CDH18: variants seen among roughly 807,000 people sequenced by gnomAD.
CDH18 encodes cadherin-18.
In CDH18, 31 loss-of-function variants were observed where a neutral mutation model predicts 67.9. That is an observed-to-expected ratio of 0.46 (90% CI 0.34 to 0.62). The LOEUF is 0.62. Ranked by LOEUF, CDH18 falls within the 20% of genes least tolerant of loss-of-function variation. The pLI, the probability that CDH18 is intolerant of heterozygous loss-of-function variation, is 0.01. For synonymous variants in CDH18, 362 were observed against 347.2 expected (o/e 1.04, Z -0.48); for missense variants, 890 against 975.5 (o/e 0.91, Z 1.17).
At chr5:20,176,474 A>C (rs1737244840) in intron 2 of CDH18, among the ~76,000 whole-genome samples, 1 of 152,152 alleles carries the variant, frequency 6.6e-6, no homozygotes, top group Non-Finnish European at 1.5e-5. Context: ...AAGAAAGTGG[A>C]CATAATAGTT....
Position 19,483,339 on chromosome 5 carries a change from G to T in CDH18, c.1844C>A (p.Ala615Asp). The T allele has an allele frequency of 6.2e-7, 1 of 1,613,952 alleles. No individual in the cohort carries two copies. The highest frequency in any genetic ancestry group is 8.5e-7 in the Non-Finnish European group (1 of 1,179,952). The change falls in exon 12 of 13, where the codon GCC becomes GAC. Residue 615 changes from alanine (A) to aspartate (D), a missense_variant. This residue lies in a region of CDH18 where 656 missense variants were observed against 668.1 expected (regional missense o/e 0.98). Transcript: ENST00000382275. ...AACACAGAGAAGAATAGCGATTAAGGCTCCTGTACTCAAACCAGCCGAGGA... is the reference window on the plus strand; with the variant it reads ...AACACAGAGAAGAATAGCGATTAAGTCTCCTGTACTCAAACCAGCCGAGGA... ...FLSSAGLSTG[A>D]LIAILLCVLI...
At chr5:20,022,932 G>T (rs1342271550) in intron 2 of CDH18, among the ~76,000 whole-genome samples, 1 of 152,138 alleles carries the variant, frequency 6.6e-6, no homozygotes, top group Non-Finnish European at 1.5e-5. Context: ...TAGTTAATAT[G>T]TTTACATGTG....
intron 1 of CDH18, among the ~76,000 whole-genome samples, chr5:20,282,264 G>T (rs2126704406): frequency 6.6e-6 from 1 of 152,264 alleles, no homozygotes. Flanking sequence ...AATAGGAGTG[G>T]TGAAAGAGGG....
chr5:20,328,402 G>T (rs1413051001), intron 1 of CDH18, among the ~76,000 whole-genome samples: 1 of 152,086 alleles, frequency 6.6e-6, no homozygotes, highest in East Asian at 1.9e-4. Flanking sequence ...GAGAGTAAAA[G>T]AGAGGAGTCT....
At chr5:19,768,102 A>G (rs1773313595) in intron 3 of CDH18, among the ~76,000 whole-genome samples, 1 of 152,096 alleles carries the variant, frequency 6.6e-6, no homozygotes, top group Non-Finnish European at 1.5e-5. Flanking sequence ...CAAGCTACAT[A>G]CCCCTAAAAT....
At chr5:20,249,575 G>T (rs1743661352) in intron 2 of CDH18, among the ~76,000 whole-genome samples, 1 of 151,772 alleles carries the variant, frequency 6.6e-6, no homozygotes, top group African/African-American at 2.4e-5. Flanking sequence ...GTAGAGACAG[G>T]GTTTCACCGT....
At chr5:20,177,990 A>T (rs1439052229) in intron 2 of CDH18, among the ~76,000 whole-genome samples, 2 of 152,114 alleles carry the variant, frequency 1.3e-5, no homozygotes, top group Non-Finnish European at 2.9e-5. Context: ...TGTCTTTATC[A>T]GCAGCACGAG....
chr5:20,091,688 T>C (rs979173994), intron 2 of CDH18, among the ~76,000 whole-genome samples: 3 of 152,128 alleles, frequency 2.0e-5, no homozygotes, highest in Admixed American at 1.3e-4. Flanking sequence ...ATTCTTCTTA[T>C]AAAAATTAAC....
Position 20,565,364 on chromosome 5 carries a change from C to A in CDH18, c.-580+10098G>T, listed in dbSNP as rs185707163. 2.6e-5 allele frequency among the ~76,000 whole-genome samples: 4 copies of A among 152,218 alleles called. No homozygotes were observed. The East Asian group carries it at 7.7e-4, about 29-fold the overall frequency. On this transcript the variant is annotated intron_variant, in intron 1 of 14. Coordinates refer to the CDH18 transcript ENST00000507958. Reference sequence around the variant, plus strand: ...CATTGGCTAACAGCAAAGATCCTTGCAAGTAAAATCCTGATTACTACTTAG... The same window carrying A: ...CATTGGCTAACAGCAAAGATCCTTGAAAGTAAAATCCTGATTACTACTTAG...
intron 1 of CDH18, among the ~76,000 whole-genome samples, chr5:20,449,577 T>A (rs1189855275): frequency 6.6e-6 from 1 of 152,038 alleles, no homozygotes; most frequent in African/African-American, 2.4e-5. Context: ...CCTTTCGTAT[T>A]GTATCATTAA....
chr5:20,404,710 TTGAAA>T (rs1212994550), intron 1 of CDH18, among the ~76,000 whole-genome samples: 3 of 152,000 alleles, frequency 2.0e-5, no homozygotes, highest in Admixed American at 6.6e-5. Context: ...GTGACAAAGT[TTGAAA>T]TACTGGGAGA....
chr5:20,166,961 C>A (rs1199013795), intron 2 of CDH18, among the ~76,000 whole-genome samples: 4 of 151,908 alleles, frequency 2.6e-5, no homozygotes, highest in South Asian at 2.1e-4. Context: ...TTGTAATTAC[C>A]TTTAAAAATA....
intron 11 of CDH18, among the ~76,000 whole-genome samples, chr5:19,489,258 T>G (rs1360838181): frequency 6.7e-6 from 1 of 149,370 alleles, no homozygotes; most frequent in Non-Finnish European, 1.5e-5. Context: ...TTCTTTTTTT[T>G]TTTTTTTGAG....
At chr5:20,527,973 GAT>G (rs1756170069) in intron 1 of CDH18, among the ~76,000 whole-genome samples, 1 of 152,012 alleles carries the variant, frequency 6.6e-6, no homozygotes, top group Non-Finnish European at 1.5e-5. Context: ...TGGCAAGCTG[GAT>G]AAAATGACAA....
intron 2 of CDH18, among the ~76,000 whole-genome samples, chr5:19,861,960 G>T (rs1362096273): frequency 6.6e-6 from 1 of 152,112 alleles, no homozygotes; most frequent in Non-Finnish European, 1.5e-5. Flanking sequence ...ATGATACATT[G>T]GTGCATTACC....
At chr5:20,056,443 AT>A (rs1294343166) in intron 2 of CDH18, among the ~76,000 whole-genome samples, 2 of 19,390 alleles carry the variant, frequency 1.0e-4, no homozygotes, top group Non-Finnish European at 1.2e-4. Context: ...TTCTCACTTT[AT>A]TTTTTTATTA....
At chr5:19,495,717 C>CAAAAAAAA (rs749003068) in intron 11 of CDH18, among the ~76,000 whole-genome samples, 191 of 46,040 alleles carry the variant, frequency 4.1e-3, no homozygotes, top group East Asian at 9.3e-3. Flanking sequence ...GAAACTGTCT[C>CAAAAAAAA]AAAAAAAAAA....
intron 4 of CDH18, among the ~76,000 whole-genome samples, chr5:19,729,299 C>A (rs1048319756): frequency 3.3e-5 from 5 of 152,138 alleles, no homozygotes; most frequent in Non-Finnish European, 7.4e-5. Context: ...ATTAAGTTAA[C>A]AATAATCTAT....
At chr5:19,892,314 T>G (rs763308458) in intron 2 of CDH18, among the ~76,000 whole-genome samples, 1 of 152,132 alleles carries the variant, frequency 6.6e-6, no homozygotes, top group African/African-American at 2.4e-5. Flanking sequence ...CGGTGATATA[T>G]GATACTCATT....
Sources: allele counts gnomAD v4.1 joint callset (sites outside exome capture counted in the v4.1 genomes callset), GRCh38; gene constraint gnomAD v4.1.1; regional missense constraint gnomAD v4.1.1; transcripts MANE v1.5; gene names NCBI Gene and HGNC (gene_info 2026-07-23, HGNC 2026-07-21).